TENM3: variants seen among roughly 807,000 people sequenced by gnomAD.
The protein encoded by TENM3 is teneurin-3.
In TENM3, 63 loss-of-function variants were observed where a neutral mutation model predicts 255.1. The ratio of observed to expected loss-of-function variants is 0.25; its 90% CI spans 0.20 to 0.30. TENM3 has a LOEUF of 0.30. Ranked by LOEUF, TENM3 falls within the 10% of genes least tolerant of loss-of-function variation. TENM3 has a pLI of 1.00. For missense variants in TENM3, 2,929 were observed against 3,461.1 expected (o/e 0.85, Z 3.86); for synonymous variants, 1,306 against 1,322.3 (o/e 0.99, Z 0.27).
the TENM3 span, among the ~76,000 whole-genome samples, chr4:181,978,656 A>C: frequency 2.0e-5 from 3 of 150,422 alleles, no homozygotes; most frequent in Non-Finnish European, 4.4e-5. Flanking sequence ...AAAAAAAAAA[A>C]AAAGAAAAGA....
intron 1 of TENM3, among the ~76,000 whole-genome samples, chr4:182,156,610 A>G (rs1300570549): frequency 6.6e-6 from 1 of 151,548 alleles, no homozygotes; most frequent in Non-Finnish European, 1.5e-5. Flanking sequence ...TTTTTACTTT[A>G]AGAAAACCCC....
intron 3 of TENM3, among the ~76,000 whole-genome samples, chr4:182,424,666 C>A (rs922864826): frequency 6.6e-6 from 1 of 152,094 alleles, no homozygotes. Context: ...ACTAAATTGG[C>A]CTCTTTTTAA....
chr4:182,357,959 A>G (rs1038956131), intron 3 of TENM3, among the ~76,000 whole-genome samples: 9 of 150,400 alleles, frequency 6.0e-5, no homozygotes, highest in African/African-American at 2.2e-4. Flanking sequence ...TCCCAGCACC[A>G]TTTATTAAAT....
At chr4:182,218,828 T>C (rs1053504253) in intron 1 of TENM3, among the ~76,000 whole-genome samples, 5 of 152,250 alleles carry the variant, frequency 3.3e-5, no homozygotes, top group Non-Finnish European at 5.9e-5. Context: ...ACCCAGTGCA[T>C]TGATTTGTGT....
chr4:182,340,891 A>G (rs990249920), intron 2 of TENM3, among the ~76,000 whole-genome samples: 2 of 152,212 alleles, frequency 1.3e-5, no homozygotes, highest in Admixed American at 6.5e-5. Flanking sequence ...ATAATTAAAG[A>G]CAGCTATAGA....
intron 19 of TENM3, among the ~76,000 whole-genome samples, 151 bp from the exon 20 acceptor site, chr4:182,751,646 CATT>C (rs1398135809): frequency 2.0e-5 from 3 of 152,160 alleles, no homozygotes; most frequent in Non-Finnish European, 4.4e-5. Flanking sequence ...TCTTTTGAGT[CATT>C]ATTAAATAGA....
the TENM3 span, among the ~76,000 whole-genome samples, chr4:182,019,892 C>T: frequency 6.6e-6 from 1 of 152,038 alleles, no homozygotes; most frequent in African/African-American, 2.4e-5. Context: ...TCTCAAACTC[C>T]TGAGTTCAGT....
chr4:181,860,269 G>A, the TENM3 span, among the ~76,000 whole-genome samples: 57,924 of 152,114 alleles, frequency 0.38, 11,403 homozygotes, highest in South Asian at 0.47. Flanking sequence ...TTCAGGCACA[G>A]GGCCATTGCT....
the TENM3 span, among the ~76,000 whole-genome samples, chr4:181,810,457 G>T: frequency 6.6e-6 from 1 of 151,758 alleles, no homozygotes; most frequent in Non-Finnish European, 1.5e-5. Context: ...TTTCTCATTC[G>T]TAGCTCCTGA....
At chr4:182,143,676 G>C (rs902175163), upstream of TENM3, 1 of 161,870 alleles carries the variant, frequency 6.2e-6, no homozygotes, top group Admixed American at 6.5e-5. This position sits in a 1 kb window ranked among gnomAD's most constrained non-coding sequence, Gnocchi z 4.3. Context: ...ACCCGCAGCA[G>C]AAAAGGACAG....
In TENM3 at chr4:182,560,849, G is replaced by T. The variant is rs544636109; in HGVS notation, c.512-40075G>T. The stretch of plus-strand genomic sequence containing the variant: ...ATAATGAACAGTGGAGAAGTAAAAG[G>T]GCAAAGATACAACTCCTCAGAGAAG... On this transcript the variant is annotated intron_variant, in intron 3 of 27. Transcript: ENST00000511685. 1.4e-3 allele frequency among the ~76,000 whole-genome samples: 206 copies of T among 150,676 alleles called. 2 individuals carry two copies. The South Asian group carries it at 0.04, about 29-fold the overall frequency.
the TENM3 span, among the ~76,000 whole-genome samples, chr4:181,783,837 T>C: frequency 6.6e-6 from 1 of 152,124 alleles, no homozygotes; most frequent in Non-Finnish European, 1.5e-5. Context: ...GTCGCTAGGA[T>C]TATAAGTGCG....
chr4:182,247,103 T>G (rs1008991630), intron 1 of TENM3, among the ~76,000 whole-genome samples: 1 of 151,942 alleles, frequency 6.6e-6, no homozygotes, highest in African/African-American at 2.4e-5. Context: ...GACAGAAAAA[T>G]ATGAGTCGAG....
chr4:182,273,484 G>A (rs1561269155), intron 1 of TENM3, among the ~76,000 whole-genome samples: 3 of 152,336 alleles, frequency 2.0e-5, no homozygotes, highest in Admixed American at 6.5e-5. Flanking sequence ...CTTTACTCTT[G>A]TGAGTGAATC....
chr4:181,453,651 A>G, the TENM3 span, among the ~76,000 whole-genome samples: 35,123 of 152,032 alleles, frequency 0.23, 5,012 homozygotes, highest in Admixed American at 0.3. Context: ...GAAATGATGT[A>G]CTGGACCGAA....
intron 22 of TENM3, among the ~76,000 whole-genome samples, chr4:182,761,016 C>T (rs1045661065): frequency 1.5e-4 from 23 of 150,802 alleles, no homozygotes; most frequent in African/African-American, 5.3e-4. Flanking sequence ...AAGTTATGCC[C>T]ATTCTTGTTG....
the TENM3 span, among the ~76,000 whole-genome samples, chr4:182,127,444 A>T: frequency 6.6e-6 from 1 of 152,188 alleles, no homozygotes; most frequent in Non-Finnish European, 1.5e-5. Context: ...ATATAAGATG[A>T]TTTATGTAAT....
chr4:182,473,445 G>C (rs1178030394), intron 3 of TENM3, among the ~76,000 whole-genome samples: 1 of 152,160 alleles, frequency 6.6e-6, no homozygotes, highest in East Asian at 1.9e-4. Flanking sequence ...AGGCCAAGGC[G>C]GGTGGATCAC....
intron 1 of TENM3, among the ~76,000 whole-genome samples, chr4:182,179,239 C>G (rs947899455): frequency 6.6e-6 from 1 of 152,272 alleles, no homozygotes; most frequent in African/African-American, 2.4e-5. Flanking sequence ...TAAAAGCACC[C>G]CAGGCTTTGG....
Sources: allele counts gnomAD v4.1 joint callset (sites outside exome capture counted in the v4.1 genomes callset), GRCh38; gene constraint gnomAD v4.1.1; non-coding constraint Gnocchi (gnomAD v3.1); transcripts MANE v1.5; gene names NCBI Gene and HGNC (gene_info 2026-07-23, HGNC 2026-07-21).